The following CACNA1C variants were observed in gnomAD, a reference collection of about 807,000 sequenced individuals.
CACNA1C encodes calcium voltage-gated channel subunit alpha1 C, also known as voltage-dependent L-type calcium channel subunit alpha-1C.
Under a neutral mutation model 229.0 loss-of-function variants are expected in CACNA1C, and 30 were observed. The ratio of observed to expected loss-of-function variants is 0.13; its 90% CI spans 0.10 to 0.18. The LOEUF (loss-of-function observed/expected upper bound fraction) is 0.18, where lower values mean the gene tolerates loss of function less well. CACNA1C is among the 10% of genes least tolerant of loss of function. The pLI, the probability that CACNA1C is intolerant of heterozygous loss-of-function variation, is 1.00. For synonymous variants in CACNA1C, 1,114 were observed against 1,132.5 expected, an observed-to-expected ratio of 0.98 and a Z score of 0.33; for missense variants, 1,658 against 2,845.0, an observed-to-expected ratio of 0.58 and a Z score of 9.49.
chr12:2,176,493 TGA>T (rs2096648935), intron 3 of CACNA1C, among the ~76,000 whole-genome samples: 1 of 151,544 alleles, frequency 6.6e-6, no homozygotes, highest in East Asian at 1.9e-4. Flanking sequence ...AGGGTAGAAC[TGA>T]GTTTAGGCTT....
At chr12:2,016,479 G>C (rs574486440) in intron 1 of CACNA1C, among the ~76,000 whole-genome samples, 10 of 152,016 alleles carry the variant, frequency 6.6e-5, no homozygotes, top group African/African-American at 2.2e-4. Context: ...GCCCAGGCTG[G>C]AGTGCAATGG....
chr12:2,527,513 T>G (rs1402248619), intron 9 of CACNA1C, among the ~76,000 whole-genome samples: 12 of 152,216 alleles, frequency 7.9e-5, no homozygotes, highest in Non-Finnish European at 1.8e-4. Flanking sequence ...TGAGATATGA[T>G]AATGGTGTCC....
rs993385217 is a variant in CACNA1C, at chr12:2,354,937, C to T, written c.478-94039C>T. 6.3e-4 allele frequency among the ~76,000 whole-genome samples: 96 copies of T among 151,940 alleles called. 3 individuals carry two copies. Among genetic ancestry groups the T allele is most frequent in the Admixed American group, 5.4e-3 (82 of 15,266 alleles). On this transcript the variant is annotated intron_variant, in intron 3 of 46. Transcript: ENST00000399655. This position sits in a 1 kb window ranked among gnomAD's most constrained non-coding sequence, Gnocchi z 4.6. The stretch of plus-strand genomic sequence containing the variant: ...CAGGTGTGCACTTGGGCAGGCTGAG[C>T]GACCTGAGTGAAATGAAGCCAAATC...
At chr12:2,445,571 A>G (rs2099269632) in intron 3 of CACNA1C, among the ~76,000 whole-genome samples, 1 of 152,158 alleles carries the variant, frequency 6.6e-6, no homozygotes, top group Non-Finnish European at 1.5e-5. Context: ...AAGGTCAACA[A>G]GAGAAGTCAC....
At chr12:2,266,216 C>T (rs555192526) in intron 3 of CACNA1C, among the ~76,000 whole-genome samples, 1 of 152,358 alleles carries the variant, frequency 6.6e-6, no homozygotes, top group South Asian at 2.1e-4. Flanking sequence ...TCCTCCACCT[C>T]CAGAACAATG....
At chr12:2,432,896 C>A (rs2099099861) in intron 3 of CACNA1C, among the ~76,000 whole-genome samples, 1 of 152,078 alleles carries the variant, frequency 6.6e-6, no homozygotes, top group Non-Finnish European at 1.5e-5. Context: ...AGGTGAACCA[C>A]CAGGAAGGAA....
intron 3 of CACNA1C, among the ~76,000 whole-genome samples, chr12:2,444,805 C>A (rs1251659709): frequency 6.6e-6 from 1 of 152,166 alleles, no homozygotes; most frequent in Non-Finnish European, 1.5e-5. Flanking sequence ...ATGCTTTCTC[C>A]TCTCAAATCC....
At chr12:2,266,890 T>C (rs1055499330) in intron 3 of CACNA1C, among the ~76,000 whole-genome samples, 2 of 152,208 alleles carry the variant, frequency 1.3e-5, no homozygotes, top group Non-Finnish European at 2.9e-5. Flanking sequence ...TTCTGAGCTT[T>C]TCTTTGCTCT....
chr12:2,652,513 TC>T (rs2095104345), intron 32 of CACNA1C, among the ~76,000 whole-genome samples: 1 of 152,096 alleles, frequency 6.6e-6, no homozygotes, highest in Non-Finnish European at 1.5e-5. Flanking sequence ...CAGGCTTCTC[TC>T]CCCCCATGGA....
intron 3 of CACNA1C, among the ~76,000 whole-genome samples, chr12:2,135,975 A>G (rs1377923537): frequency 6.8e-6 from 1 of 147,636 alleles, no homozygotes; most frequent in Non-Finnish European, 1.5e-5. Flanking sequence ...TGGGCGTAGG[A>G]CCCTCCGAGC....
intron 3 of CACNA1C, among the ~76,000 whole-genome samples, chr12:2,339,308 T>C (rs2096791460): frequency 6.6e-6 from 1 of 152,256 alleles, no homozygotes; most frequent in Non-Finnish European, 1.5e-5. Context: ...TTTGCCTGTG[T>C]AGGTCATTTA....
At chr12:2,469,875 A>G (rs1487000583) in intron 5 of CACNA1C, among the ~76,000 whole-genome samples, 1 of 152,236 alleles carries the variant, frequency 6.6e-6, no homozygotes, top group African/African-American at 2.4e-5. Flanking sequence ...TCTATGGTCA[A>G]CAAGAGCTTT....
At chr12:2,042,082 A>G (rs925666749) in intron 1 of CACNA1C, among the ~76,000 whole-genome samples, 3 of 152,236 alleles carry the variant, frequency 2.0e-5, no homozygotes, top group Non-Finnish European at 4.4e-5. Context: ...TTCCAATAAA[A>G]TATAAACACT....
At chr12:2,663,068 TAGAG>T (rs1265699538) in intron 34 of CACNA1C, among the ~76,000 whole-genome samples, 3 of 152,112 alleles carry the variant, frequency 2.0e-5, no homozygotes, top group Non-Finnish European at 2.9e-5. Flanking sequence ...TGACCTAAAA[TAGAG>T]AAAGATTTTT....
intron 10 of CACNA1C, among the ~76,000 whole-genome samples, chr12:2,551,346 G>T (rs1484039125): frequency 6.6e-6 from 1 of 152,230 alleles, no homozygotes. Flanking sequence ...CACGGATGGA[G>T]CCTGGCAGTC....
intron 3 of CACNA1C, among the ~76,000 whole-genome samples, chr12:2,393,685 C>G (rs1191983185): frequency 6.6e-6 from 1 of 152,202 alleles, no homozygotes; most frequent in Non-Finnish European, 1.5e-5. Flanking sequence ...TGCTGCTTCT[C>G]TATTCTCTCT....
At chr12:2,418,609 A>ACC (rs1423621560) in intron 3 of CACNA1C, among the ~76,000 whole-genome samples, 1 of 152,156 alleles carries the variant, frequency 6.6e-6, no homozygotes, top group Non-Finnish European at 1.5e-5. Context: ...CCAGTTATGC[A>ACC]CCACAAGGAC....
chr12:2,146,494 A>G (rs2094719622), intron 3 of CACNA1C, among the ~76,000 whole-genome samples: 1 of 151,216 alleles, frequency 6.6e-6, no homozygotes, highest in African/African-American at 2.4e-5. Context: ...AAAAAATGAT[A>G]ATGAATGGTA....
chr12:2,353,505 T>C (rs990503180), intron 3 of CACNA1C, among the ~76,000 whole-genome samples: 1 of 152,202 alleles, frequency 6.6e-6, no homozygotes, highest in African/African-American at 2.4e-5. Context: ...CTTGGAGCCC[T>C]GGGGCTCCCT....
Sources: gnomAD v4.1 joint callset for allele counts (sites outside exome capture counted in the v4.1 genomes callset) on GRCh38, gnomAD v4.1.1 for gene constraint, Gnocchi (gnomAD v3.1) non-coding constraint, MANE v1.5 for transcripts, NCBI Gene and HGNC (gene_info 2026-07-23, HGNC 2026-07-21) for gene names.